Variants in XPO7 observed in about 807,000 individuals in gnomAD.
XPO7 encodes exportin 7.
XPO7 carries 21 observed loss-of-function variants against 144.3 expected under a neutral mutation model. The observed-to-expected ratio is 0.15, with a 90% CI of 0.10 to 0.21. XPO7 has a LOEUF of 0.21. Ranked by LOEUF, XPO7 falls within the 10% of genes least tolerant of loss-of-function variation. The pLI, the probability that XPO7 is intolerant of heterozygous loss-of-function variation, is 1.00. For synonymous variants in XPO7, 580 were observed against 499.6 expected, an observed-to-expected ratio of 1.16 and a Z score of -2.15; for missense variants, 808 against 1,325.8, an observed-to-expected ratio of 0.61 and a Z score of 6.06.
chr8:21,981,129 A>G (rs1036285919), intron 9 of XPO7, among the ~76,000 whole-genome samples: 4 of 152,244 alleles, frequency 2.6e-5, no homozygotes, highest in Admixed American at 6.5e-5. Flanking sequence ...TAGCCCACAT[A>G]TGCTAACAGA....
intron 1 of XPO7, among the ~76,000 whole-genome samples, chr8:21,939,670 T>A (rs943673251): frequency 6.6e-6 from 1 of 152,210 alleles, no homozygotes; most frequent in African/African-American, 2.4e-5. Flanking sequence ...TTTAAACATA[T>A]CAGGAAAACA....
chr8:21,976,466 T>G lies in XPO7; in HGVS notation c.708T>G (p.Thr236=), dbSNP rs1398100155. 6.2e-7 allele frequency: 1 copy of G among 1,613,850 alleles called. No individual in the cohort carries two copies. Among genetic ancestry groups the G allele is most frequent in the Admixed American group, 1.7e-5 (1 of 60,006 alleles). ...ACTTTGACTTCATCGGCACTTCCACTGATGAGTCCTCAGACGACCTGTGTA... is the reference window on the plus strand; with the variant it reads ...ACTTTGACTTCATCGGCACTTCCACGGATGAGTCCTCAGACGACCTGTGTA... ...CLNFDFIGTS[T]DESSDDLCTV... is the part of the protein sequence containing the mutation. The change falls in exon 7 of 28, where the codon ACT becomes ACG. Residue 236 remains threonine, a synonymous_variant. Coordinates refer to ENST00000252512, the MANE Select transcript of XPO7 (RefSeq NM_015024.5).
rs556344867 is a variant in XPO7, at chr8:22,003,791, T to C, written c.3043-112T>C. 2.0e-6 allele frequency: 3 copies of C among 1,484,804 alleles called. No individual in the cohort carries two copies. The Admixed American group carries it at 6.5e-5, about 32-fold the overall frequency. 92.0% of individuals were successfully genotyped at this position (1,484,804 alleles called of 1,614,324 possible). ...TTCTTTTTTAAGGGTCCAATTTTAG[T>C]AGACATTCCATTCCTCCTTAGAGAA... is the stretch of plus-strand genomic sequence containing the variant. On this transcript the variant is annotated intron_variant, in intron 26 of 27. Transcript: ENST00000252512.
At position 21,995,570 on chromosome 8, in the gene XPO7, C is replaced by G. The variant is rs1201421817; in HGVS notation, c.2316C>G (p.Leu772=). 4 of 1,606,864 alleles carry G rather than the reference C, an allele frequency of 2.5e-6. No homozygotes were observed. Among genetic ancestry groups the G allele is most frequent in the Non-Finnish European group, 3.4e-6 (4 of 1,176,358 alleles). Residue 772 remains leucine (L), a synonymous_variant, in exon 21 of 28, where the codon CTC becomes CTG. Transcript: ENST00000252512. ...YHDPACTTPV[L]KLMAELVHNR... ...ATCCAGCCTGTACTACACCTGTACT[C>G]AAGTTGATGGCTGAATTGGTTCATA...
intron 13 of XPO7, among the ~76,000 whole-genome samples, chr8:21,986,528 C>A (rs1240635486): frequency 6.6e-6 from 1 of 152,112 alleles, no homozygotes; most frequent in Non-Finnish European, 1.5e-5. Flanking sequence ...GCCCATTTGC[C>A]CAGAGGTCCC....
At chr8:21,945,921 G>T (rs1811176250) in intron 1 of XPO7, among the ~76,000 whole-genome samples, 1 of 152,114 alleles carries the variant, frequency 6.6e-6, no homozygotes, top group Admixed American at 6.5e-5. Context: ...AATTGCTGTA[G>T]GGTCAAATGC....
intron 1 of XPO7, among the ~76,000 whole-genome samples, chr8:21,933,133 C>T (rs1322260515): frequency 1.5e-5 from 2 of 129,714 alleles, no homozygotes; most frequent in Non-Finnish European, 3.1e-5. Flanking sequence ...TGGAGTCTTG[C>T]TCTGTCGCCC....
intron 16 of XPO7, among the ~76,000 whole-genome samples, chr8:21,989,453 A>C (rs1812687631): frequency 6.6e-6 from 1 of 152,168 alleles, no homozygotes; most frequent in African/African-American, 2.4e-5. Context: ...AAACATCCTG[A>C]TTCCAAGCTT....
chr8:21,970,016 G>A, intron 3 of XPO7, 128 bp from the exon 4 acceptor site: 2 of 1,059,932 alleles, frequency 1.9e-6, no homozygotes, highest in Non-Finnish European at 2.7e-6. Flanking sequence ...AAATAATTAA[G>A]ACAGTTTGGG....
At chr8:22,004,888 C>T in intron 27 of XPO7, 107 bp from the exon 28 acceptor site, 1 of 632,398 alleles carries the variant, frequency 1.6e-6, no homozygotes, top group Non-Finnish European at 2.7e-6. Flanking sequence ...AAACAGAACC[C>T]ATCAATTCAT....
chr8:21,961,187 T>C (rs918114414), intron 1 of XPO7, among the ~76,000 whole-genome samples: 2 of 151,582 alleles, frequency 1.3e-5, no homozygotes, highest in Admixed American at 1.3e-4. Flanking sequence ...AGGAGTGGAA[T>C]AGCTGGGTCA....
chr8:21,939,010 G>T (rs1356454828), intron 1 of XPO7, among the ~76,000 whole-genome samples: 4 of 151,936 alleles, frequency 2.6e-5, no homozygotes, highest in Non-Finnish European at 5.9e-5. Flanking sequence ...GTAACAACAA[G>T]ATTTTATTTA....
rs574641359 is a variant in XPO7, at chr8:21,939,534, T to A, written c.18+19746T>A. 2.0e-5 allele frequency among the ~76,000 whole-genome samples: 3 copies of A among 152,342 alleles called. No individual in the cohort carries two copies. The South Asian group carries it at 6.2e-4, about 32-fold the overall frequency. ...CCGCCCCAGGTCTGTTTTGGATTTT[T>A]AAAGTTGCTTTAGGGCAGTTACTTC... On this transcript the variant is annotated intron_variant, in intron 1 of 27. Coordinates refer to ENST00000252512, the MANE Select transcript of XPO7 (RefSeq NM_015024.5).
chr8:21,967,038 G>A (rs1268534916), intron 2 of XPO7, 35 bp downstream of exon 2: 20 of 1,593,278 alleles, frequency 1.3e-5, no homozygotes, highest in Non-Finnish European at 1.7e-5. Context: ...AGGATAACAG[G>A]CGCTTCGGAA....
intron 1 of XPO7, among the ~76,000 whole-genome samples, chr8:21,930,601 A>G (rs1810612169): frequency 6.6e-6 from 1 of 152,202 alleles, no homozygotes; most frequent in African/African-American, 2.4e-5. Flanking sequence ...TTCACTTAAC[A>G]TTCCAGGAAA....
At chr8:21,988,495 G>A (rs1018230073) in intron 15 of XPO7, 8 of 161,266 alleles carry the variant, frequency 5.0e-5, no homozygotes, top group South Asian at 1.7e-4. Flanking sequence ...TGTGTGCAGA[G>A]TGACATTTTG....
At chr8:21,945,889 G>A (rs1180720081) in intron 1 of XPO7, among the ~76,000 whole-genome samples, 1 of 152,154 alleles carries the variant, frequency 6.6e-6, no homozygotes, top group Admixed American at 6.5e-5. Context: ...TCAGACTGGA[G>A]TGTTGGGAGT....
rs1813332179 is a variant in XPO7 at position 22,006,393 on chromosome 8, A to G, written c.*1305A>G. 2 of 152,120 alleles carry G rather than the reference A, an allele frequency of 1.3e-5. No individual in the cohort carries two copies. The allele number at this position is 152,120 out of a possible 1,614,324, so 9.4% of individuals were successfully genotyped here. On this transcript the variant is annotated 3_prime_UTR_variant, in exon 28 of 28. Transcript: ENST00000252512. ...TTCAGCTCTTGCCCACGGGACACTC[A>G]TCAATTAGGTTTTATTTTTATTTCT...
chr8:22,002,461 C>G (rs757227985), intron 25 of XPO7, among the ~76,000 whole-genome samples, 189 bp downstream of exon 25: 1 of 152,190 alleles, frequency 6.6e-6, no homozygotes, highest in African/African-American at 2.4e-5. Flanking sequence ...AGAAAACGCT[C>G]AGGTTCTGGA....
Sources: allele counts gnomAD v4.1 joint callset (sites outside exome capture counted in the v4.1 genomes callset), GRCh38; gene constraint gnomAD v4.1.1; transcripts MANE v1.5; gene names NCBI Gene and HGNC (gene_info 2026-07-23, HGNC 2026-07-21).